Variants in HUNK observed in about 807,000 individuals in gnomAD.
HUNK encodes the protein hormonally up-regulated Neu-associated kinase.
In HUNK, 21 loss-of-function variants were observed where a neutral mutation model predicts 61.0. That is an observed-to-expected ratio of 0.34 (90% CI 0.24 to 0.50). The LOEUF is 0.50. HUNK is among the 20% of genes least tolerant of loss of function. The pLI is 0.98. For missense variants in HUNK, 772 were observed against 945.7 expected (o/e 0.82, Z 2.41); for synonymous variants, 371 against 386.1 (o/e 0.96, Z 0.46).
intron 1 of HUNK, among the ~76,000 whole-genome samples, chr21:31,879,766 TTGGGG>T (rs1407100847): frequency 6.6e-6 from 1 of 151,808 alleles, no homozygotes; most frequent in East Asian, 1.9e-4. Context: ...GAGGGACAGG[TTGGGG>T]TGTTCTCCAT....
intron 1 of HUNK, among the ~76,000 whole-genome samples, chr21:31,921,589 C>T (rs1568925753): frequency 6.6e-6 from 1 of 151,966 alleles, no homozygotes; most frequent in Non-Finnish European, 1.5e-5. Context: ...TGGGTGCTCC[C>T]ATAGGCAGCA....
intron 2 of HUNK, among the ~76,000 whole-genome samples, chr21:31,928,656 C>T (rs1191160978): frequency 1.3e-5 from 2 of 152,104 alleles, no homozygotes; most frequent in African/African-American, 2.4e-5. Flanking sequence ...TCACCGCACA[C>T]GGACATAGGT....
chr21:31,958,503 C>T (rs1305442509), intron 4 of HUNK, among the ~76,000 whole-genome samples: 6 of 151,924 alleles, frequency 3.9e-5, no homozygotes, highest in South Asian at 2.1e-4. Context: ...CCAGGGTGTG[C>T]GGGGGCTTCA....
chr21:31,874,172 C>T (rs752047611), intron 1 of HUNK, among the ~76,000 whole-genome samples: 1 of 151,872 alleles, frequency 6.6e-6, no homozygotes, highest in Admixed American at 6.5e-5. Context: ...GGCCTTGCCC[C>T]GGGAAGCGTC....
At position 31,940,082 on chromosome 21, in the gene HUNK, A is replaced by G. The variant is rs1470719795; in HGVS notation, c.555-83A>G. 2.7e-6 allele frequency: 3 copies of G among 1,097,486 alleles called. No homozygotes were observed. In the African/African-American group the frequency reaches 4.8e-5, roughly 17 times the overall value. The allele number at this position is 1,097,486 out of a possible 1,614,324, so 68.0% of individuals were successfully genotyped here. A position where few individuals can be genotyped will look rare whatever the true frequency, so the allele number is the denominator to read the frequency against. On this transcript the variant is annotated intron_variant, in intron 2 of 10. Transcript: ENST00000270112. ...GTTGGTTAGAAGTGGCTCTAAAAAC[A>G]GTTCATTTCCCTTCAGAAGCAAAAT...
chr21:31,873,830 C>A lies in HUNK; in HGVS notation c.156C>A (p.Phe52Leu). 1 of 1,583,832 alleles carries A rather than the reference C, an allele frequency of 6.3e-7. No individual in the cohort carries two copies. The highest frequency in any genetic ancestry group is 8.6e-7 in the Non-Finnish European group (1 of 1,167,864). ...TGCCCCGCGAGCGGCTCCGCGACTT[C>A]CAGCACCACAAGCGCGTGGGCAACT... ...SGVPRERLRD[F>L]QHHKRVGNYL... The change falls in exon 1 of 11, where the codon TTC becomes TTA. Residue 52 changes from phenylalanine to leucine, a missense_variant. Physicochemically the swap from Phe to Leu is conservative, Grantham distance 22. Transcript: ENST00000270112. The surrounding 1 kb of genome is among the most constrained non-coding windows in gnomAD (Gnocchi z 6.1).
intron 5 of HUNK, among the ~76,000 whole-genome samples, chr21:31,960,925 C>T (rs984225888): frequency 1.3e-5 from 2 of 152,162 alleles, no homozygotes; most frequent in African/African-American, 4.8e-5. Context: ...TGATAAAACC[C>T]ATTGACCTTG....
chr21:31,894,779 C>G (rs1024772613), intron 1 of HUNK, among the ~76,000 whole-genome samples: 2 of 152,064 alleles, frequency 1.3e-5, no homozygotes, highest in Non-Finnish European at 2.9e-5. Context: ...GGAAATATAC[C>G]CTTTGCTCTA....
In HUNK at chr21:31,958,894, G is replaced by A. The variant is rs1241751914; in HGVS notation, c.798G>A (p.Glu266=). 1 of 1,611,006 alleles carries A rather than the reference G, an allele frequency of 6.2e-7. No homozygotes were observed. Among genetic ancestry groups the A allele is most frequent in the Non-Finnish European group, 8.5e-7 (1 of 1,179,106 alleles). Reference sequence around the variant, plus strand: ...CCGGGACGCTGCCTTTCACGGTGGAGCCTTTCAGCCTGAGGGCTTTGTACC... The same window carrying A: ...CCGGGACGCTGCCTTTCACGGTGGAACCTTTCAGCCTGAGGGCTTTGTACC... ...MLTGTLPFTV[E]PFSLRALYQK... The change falls in exon 5 of 11, where the codon GAG becomes GAA. Residue 266 remains glutamate (E), a synonymous_variant. Transcript: ENST00000270112.
At chr21:31,967,130 C>G (rs2052972752) in intron 5 of HUNK, among the ~76,000 whole-genome samples, 1 of 151,828 alleles carries the variant, frequency 6.6e-6, no homozygotes, top group African/African-American at 2.4e-5. Flanking sequence ...AGGAGGATCG[C>G]TTGAGCTCAG....
At chr21:31,997,777 A>G (rs1265182115) in intron 10 of HUNK, among the ~76,000 whole-genome samples, 6 of 152,248 alleles carry the variant, frequency 3.9e-5, no homozygotes, top group Non-Finnish European at 7.3e-5. Context: ...CATGTCTTCC[A>G]CTGTGGGCTG....
chr21:31,968,745 TGTGTGTGTGAGA>T (rs1466765097), intron 6 of HUNK, among the ~76,000 whole-genome samples: 12 of 142,354 alleles, frequency 8.4e-5, no homozygotes, highest in African/African-American at 2.6e-4. Flanking sequence ...TGTGTGTGTG[TGTGTGTGTGAGA>T]GAGAGAGAGT....
intron 1 of HUNK, among the ~76,000 whole-genome samples, chr21:31,892,209 AGTGT>A (rs1302324059): frequency 4.4e-5 from 5 of 114,302 alleles, no homozygotes; most frequent in African/African-American, 6.8e-5. Flanking sequence ...AGAGAGAGAG[AGTGT>A]GTGTGTGTGT....
At chr21:31,997,547 G>A (rs73901284) in intron 10 of HUNK, among the ~76,000 whole-genome samples, 2,262 of 152,280 alleles carry the variant, frequency 0.015, 58 homozygotes, top group African/African-American at 0.052. Context: ...GATTCATAGA[G>A]ACAGGCAGTA....
chr21:31,952,952 G>T (rs977403050), intron 4 of HUNK, among the ~76,000 whole-genome samples: 3 of 152,100 alleles, frequency 2.0e-5, no homozygotes, highest in African/African-American at 7.2e-5. Flanking sequence ...CTGCCACGGA[G>T]AATCCAGAAA....
intron 1 of HUNK, among the ~76,000 whole-genome samples, chr21:31,910,557 C>T (rs1334914500): frequency 2.0e-5 from 3 of 150,714 alleles, no homozygotes; most frequent in Non-Finnish European, 4.4e-5. Flanking sequence ...GGCGCGATCT[C>T]GGCTCACCGC....
intron 6 of HUNK, among the ~76,000 whole-genome samples, chr21:31,972,511 G>T (rs948557389): frequency 6.6e-6 from 1 of 152,064 alleles, no homozygotes; most frequent in East Asian, 1.9e-4. Flanking sequence ...GCAGAGATGG[G>T]GTGTCTGCCC....
chr21:31,910,374 C>T (rs539404182), intron 1 of HUNK, among the ~76,000 whole-genome samples: 7 of 152,258 alleles, frequency 4.6e-5, no homozygotes, highest in South Asian at 2.1e-4. Flanking sequence ...GACACCAGTC[C>T]TGTTGGATTA....
At chr21:31,879,234 T>C (rs1490212509) in intron 1 of HUNK, among the ~76,000 whole-genome samples, 1 of 152,190 alleles carries the variant, frequency 6.6e-6, no homozygotes, top group Non-Finnish European at 1.5e-5. Context: ...TTAGGGGTAA[T>C]CGCTCTGAGG....
Sources: allele counts gnomAD v4.1 joint callset (sites outside exome capture counted in the v4.1 genomes callset), GRCh38; gene constraint gnomAD v4.1.1; non-coding constraint Gnocchi (gnomAD v3.1); transcripts MANE v1.5; gene names NCBI Gene and HGNC (gene_info 2026-07-23, HGNC 2026-07-21).